The following SNRNP200 variants were observed in gnomAD, a reference collection of about 807,000 sequenced individuals.
SNRNP200 encodes U5 small nuclear ribonucleoprotein 200 kDa helicase.
SNRNP200 carries 66 observed loss-of-function variants against 255.2 expected under a neutral mutation model. The observed-to-expected ratio is 0.26, with a 90% CI of 0.21 to 0.32. SNRNP200 has a LOEUF of 0.32. SNRNP200 is among the 10% of genes least tolerant of loss of function. The pLI is 1.00. For synonymous variants in SNRNP200, 939 were observed against 1,027.8 expected, an observed-to-expected ratio of 0.91 and a Z score of 1.65; for missense variants, 1,585 against 2,749.8, an observed-to-expected ratio of 0.58 and a Z score of 9.47.
chr2:96,301,878 A>G (rs1343980935), intron 3 of SNRNP200, among the ~76,000 whole-genome samples, 162 bp from the exon 4 acceptor site: 1 of 152,174 alleles, frequency 6.6e-6, no homozygotes, highest in Admixed American at 6.5e-5. Flanking sequence ...CAACTAAAGG[A>G]AGACTTGTCT....
intron 29 of SNRNP200, among the ~76,000 whole-genome samples, chr2:96,285,577 C>G (rs756176812): frequency 6.6e-6 from 1 of 152,210 alleles, no homozygotes; most frequent in East Asian, 1.9e-4. Flanking sequence ...GAGCCCAGGT[C>G]CCCTGGAGAT....
chr2:96,282,193 C>A, intron 34 of SNRNP200: 1 of 436,918 alleles, frequency 2.3e-6, no homozygotes, highest in South Asian at 2.2e-5. Context: ...AAAACTACAG[C>A]TGATGGACTG....
rs201315245 is a variant in SNRNP200, at chr2:96,287,816, G to A, written c.3365+47C>T. On this transcript the variant is annotated intron_variant, in intron 25 of 44. Coordinates refer to ENST00000323853, the MANE Select transcript of SNRNP200 (RefSeq NM_014014.5). This position sits in a 1 kb window ranked among gnomAD's most constrained non-coding sequence, Gnocchi z 5.7. ...GCTTTCCCATCAGACCCTTGGGTTG[G>A]GGACCCCCACTCATGGTGACCAGCA... 48 of 1,534,902 alleles carry A rather than the reference G, an allele frequency of 3.1e-5. No homozygotes were observed. The Admixed American group carries it at 6.3e-4, about 20-fold the overall frequency.
intron 9 of SNRNP200, among the ~76,000 whole-genome samples, chr2:96,298,068 C>A (rs988306858): frequency 3.9e-5 from 6 of 152,190 alleles, no homozygotes; most frequent in Non-Finnish European, 5.9e-5. Flanking sequence ...CAATAAAGGT[C>A]CCCACAGTGC....
rs200072234 is a variant in SNRNP200 at position 96,278,537 on chromosome 2, C to A, written c.5488+10G>T. The A allele has an allele frequency of 1.9e-6, 3 of 1,613,804 alleles. No individual in the cohort carries two copies. The highest frequency in any genetic ancestry group is 2.5e-6 in the Non-Finnish European group (3 of 1,180,032). On this transcript the variant is annotated intron_variant, in intron 38 of 44. Coordinates refer to ENST00000323853, the MANE Select transcript of SNRNP200 (RefSeq NM_014014.5). This position sits in a 1 kb window ranked among gnomAD's most constrained non-coding sequence, Gnocchi z 6.9. ...CCCACAGACAGGACACGGGCCATGC[C>A]GGGCCTCACCAATGGTGGTGTAGTT...
intron 21 of SNRNP200, 139 bp downstream of exon 21, chr2:96,289,660 A>G (rs1319840168): frequency 1.2e-6 from 1 of 819,040 alleles, no homozygotes; most frequent in Non-Finnish European, 2.1e-6. Context: ...TTATGGGAAA[A>G]GCTACCCATT....
In SNRNP200 at chr2:96,299,557, T is replaced by A. The variant is rs376749109; in HGVS notation, c.631-130A>T. 8 of 774,432 alleles carry A rather than the reference T, an allele frequency of 1.0e-5. No individual in the cohort carries two copies. The East Asian group carries it at 1.5e-4, about 15-fold the overall frequency. 48.0% of individuals were successfully genotyped at this position (774,432 alleles called of 1,614,324 possible). On this transcript the variant is annotated intron_variant, in intron 5 of 44. Transcript: ENST00000323853. ...GCTTTGGGGTGAAACCGAGAGCCTA[T>A]TGGAACCAAGGTCAGCCTTATTCCA... is the stretch of plus-strand genomic sequence containing the variant.
At chr2:96,303,762 C>T (rs1422645899) in intron 2 of SNRNP200, among the ~76,000 whole-genome samples, 2 of 151,882 alleles carry the variant, frequency 1.3e-5, no homozygotes, top group Admixed American at 6.6e-5. Context: ...CAGTGGCGAG[C>T]GCCTGTAATC....
Position 96,286,923 on chromosome 2 carries a change from T to C in SNRNP200, c.3640-46A>G, listed in dbSNP as rs908262664. Reference sequence around the variant, plus strand: ...AAAAGGAATGTGAGTCAACGTAGACTGAGTGCCTCCAATCCATCTCCTCGG... The same window carrying C: ...AAAAGGAATGTGAGTCAACGTAGACCGAGTGCCTCCAATCCATCTCCTCGG... On this transcript the variant is annotated intron_variant, in intron 27 of 44. Transcript: ENST00000323853. The surrounding 1 kb of genome is among the most constrained non-coding windows in gnomAD (Gnocchi z 4.8). 3 of 1,613,910 alleles carry C rather than the reference T, an allele frequency of 1.9e-6. No homozygotes were observed. Among genetic ancestry groups the C allele is most frequent in the Non-Finnish European group, 2.5e-6 (3 of 1,179,764 alleles).
rs534022491 is a variant in SNRNP200, at chr2:96,292,964, G to T, written c.2160+8C>A. Reference sequence around the variant, plus strand: ...GGGTTCAAGAGTAACCATAAACCACGGGCAAACCTGATTTTTTCCAGCATG... The same window carrying T: ...GGGTTCAAGAGTAACCATAAACCACTGGCAAACCTGATTTTTTCCAGCATG... On this transcript the variant is annotated splice_region_variant and intron_variant, in intron 16 of 44. Coordinates refer to ENST00000323853, the MANE Select transcript of SNRNP200 (RefSeq NM_014014.5). The T allele has an allele frequency of 1.5e-5, 25 of 1,613,740 alleles. No individual in the cohort carries two copies. The South Asian group carries it at 2.6e-4, about 17-fold the overall frequency.
chr2:96,283,764 T>C lies in SNRNP200; in HGVS notation c.4584+49A>G, dbSNP rs778870456. On this transcript the variant is annotated intron_variant, in intron 32 of 44. Transcript: ENST00000323853. This position sits in a 1 kb window ranked among gnomAD's most constrained non-coding sequence, Gnocchi z 4.7. ...ACCAAGGTTATCAGACCTGGGTCAC[T>C]CAGGATCTATGTGACACCCCACAGA... The C allele has an allele frequency of 1.4e-5, 23 of 1,613,878 alleles. No homozygotes were observed. The highest frequency in any genetic ancestry group is 1.8e-5 in the Non-Finnish European group (21 of 1,179,866).
chr2:96,284,446 A>G lies in SNRNP200; in HGVS notation c.4304T>C (p.Leu1435Pro). 1 of 1,614,170 alleles carries G rather than the reference A, an allele frequency of 6.2e-7. No homozygotes were observed. Among genetic ancestry groups the G allele is most frequent in the Non-Finnish European group, 8.5e-7 (1 of 1,180,042 alleles). Residue 1435 changes from leucine to proline, a missense_variant, in exon 31 of 45, where the codon CTT becomes CCT. Leu to Pro is a moderately conservative substitution (Grantham distance 98, BLOSUM62 -3). Coordinates refer to ENST00000323853, the MANE Select transcript of SNRNP200 (RefSeq NM_014014.5). ...CTTGCGCTGCTTCCATCGCCGGGAA[A>G]GTATGTCCCACTTCTCAGGGGTGCT... ...IISTPEKWDILSRRWKQRKNV... is the reference protein window; with the variant it reads ...IISTPEKWDIPSRRWKQRKNV...
intron 30 of SNRNP200, 161 bp from the exon 31 acceptor site, chr2:96,284,746 TTTC>T: frequency 1.6e-6 from 1 of 619,074 alleles, no homozygotes; most frequent in Non-Finnish European, 2.8e-6. Context: ...GGGGCAGCTT[TTTC>T]TTTTTTTTTT....
intron 35 of SNRNP200, chr2:96,281,477 G>C (rs1684759751): frequency 5.7e-6 from 2 of 351,940 alleles, no homozygotes; most frequent in Non-Finnish European, 1.1e-5. Context: ...CACTCCTCTA[G>C]CTTCTTACTT....
At chr2:96,285,373 T>A in intron 29 of SNRNP200, 33 bp from the exon 30 acceptor site, 1 of 1,611,332 alleles carries the variant, frequency 6.2e-7, no homozygotes, top group African/African-American at 1.3e-5. Flanking sequence ...AGTGTAAGTA[T>A]CAAGAAGGAA....
At chr2:96,288,320 C>T (rs2104346531) in intron 24 of SNRNP200, among the ~76,000 whole-genome samples, 1 of 152,242 alleles carries the variant, frequency 6.6e-6, no homozygotes, top group South Asian at 2.1e-4. Flanking sequence ...CTAATAAAAC[C>T]CTGTGCCATT....
At chr2:96,294,043 A>G (rs2063900904) in intron 14 of SNRNP200, among the ~76,000 whole-genome samples, 1 of 151,582 alleles carries the variant, frequency 6.6e-6, no homozygotes, top group African/African-American at 2.4e-5. Context: ...TGCTGCTGCT[A>G]TGACCCCAAC....
At position 96,291,088 on chromosome 2, in the gene SNRNP200, G is replaced by A. The variant is rs1409240347; in HGVS notation, c.2422-273C>T. 6.6e-6 allele frequency among the ~76,000 whole-genome samples: 1 copy of A among 152,140 alleles called. No individual in the cohort carries two copies. The highest frequency in any genetic ancestry group is 2.4e-5 in the African/African-American group (1 of 41,424). On this transcript the variant is annotated intron_variant, in intron 18 of 44. Coordinates refer to ENST00000323853, the MANE Select transcript of SNRNP200 (RefSeq NM_014014.5). This position sits in a 1 kb window ranked among gnomAD's most constrained non-coding sequence, Gnocchi z 4.2. ...AAGTTACTAGAAAAGGTAAAACAGAGCCTATCCGGAAAGAGGGAACGACAA... is the reference window on the plus strand; with the variant it reads ...AAGTTACTAGAAAAGGTAAAACAGAACCTATCCGGAAAGAGGGAACGACAA...
Position 96,285,119 on chromosome 2 carries a change from A to G in SNRNP200, c.4164+61T>C. 1.9e-6 allele frequency: 3 copies of G among 1,586,170 alleles called. 1 individual carries two copies. In the South Asian group the frequency reaches 3.3e-5, roughly 18 times the overall value. Reference sequence around the variant, plus strand: ...AAATTTCAGGGCTTAGAAAGCCTTCATACGGAATCACAGATGAAATGCTTC... The same window carrying G: ...AAATTTCAGGGCTTAGAAAGCCTTCGTACGGAATCACAGATGAAATGCTTC... On this transcript the variant is annotated intron_variant, in intron 30 of 44. Coordinates refer to ENST00000323853, the MANE Select transcript of SNRNP200 (RefSeq NM_014014.5).
Sources: gnomAD v4.1 joint callset for allele counts (sites outside exome capture counted in the v4.1 genomes callset) on GRCh38, gnomAD v4.1.1 for gene constraint, Gnocchi (gnomAD v3.1) non-coding constraint, MANE v1.5 for transcripts, NCBI Gene and HGNC (gene_info 2026-07-23, HGNC 2026-07-21) for gene names.